The following DIS3L2 variants were observed in gnomAD, a reference collection of about 807,000 sequenced individuals.
DIS3L2 encodes the protein DIS3-like exonuclease 2.
In DIS3L2, 34 loss-of-function variants were observed where a neutral mutation model predicts 97.5. The observed-to-expected ratio is 0.35, with a 90% CI of 0.27 to 0.46. The LOEUF (loss-of-function observed/expected upper bound fraction) is 0.46. Among genes scored for constraint, DIS3L2 ranks in the 20% least tolerant of loss-of-function variants. DIS3L2 has a pLI of 1.00. For synonymous variants in DIS3L2, 435 were observed against 445.2 expected (o/e 0.98, Z 0.29); for missense variants, 1,038 against 1,146.0 (o/e 0.91, Z 1.36).
At chr2:232,245,276 G>A (rs1391761158) in intron 11 of DIS3L2, among the ~76,000 whole-genome samples, 1 of 152,150 alleles carries the variant, frequency 6.6e-6, no homozygotes, top group East Asian at 1.9e-4. Flanking sequence ...CTGGGTGCAT[G>A]GACTGTTGCG....
chr2:232,287,526 G>A (rs1380270163), intron 13 of DIS3L2, among the ~76,000 whole-genome samples: 1 of 151,582 alleles, frequency 6.6e-6, no homozygotes, highest in Non-Finnish European at 1.5e-5. Flanking sequence ...AGCCTCCTGA[G>A]TAGCTGGGAC....
intron 6 of DIS3L2, among the ~76,000 whole-genome samples, chr2:232,098,019 G>C (rs1016207952): frequency 6.7e-6 from 1 of 148,680 alleles, no homozygotes; most frequent in East Asian, 1.9e-4. Context: ...GGTTCTCTTT[G>C]GGCGTAGGGT....
chr2:231,972,708 T>A (rs1342726344), intron 1 of DIS3L2, among the ~76,000 whole-genome samples: 2 of 151,984 alleles, frequency 1.3e-5, no homozygotes, highest in African/African-American at 4.8e-5. Flanking sequence ...CAGGCCTGGC[T>A]AATTTTTCTG....
chr2:232,015,081 T>G, intron 2 of DIS3L2, 102 bp downstream of exon 2: 1 of 1,124,312 alleles, frequency 8.9e-7, no homozygotes, highest in Non-Finnish European at 1.3e-6. Flanking sequence ...AGGGCTACTA[T>G]AATTCTTTTA....
chr2:232,038,288 T>G (rs915246077), intron 5 of DIS3L2, among the ~76,000 whole-genome samples: 2 of 152,058 alleles, frequency 1.3e-5, no homozygotes, highest in Non-Finnish European at 2.9e-5. Flanking sequence ...GAGGCAGCAT[T>G]GTAATGAAGA....
chr2:231,994,304 G>A (rs1336622985), intron 1 of DIS3L2, among the ~76,000 whole-genome samples: 1 of 151,886 alleles, frequency 6.6e-6, no homozygotes, highest in African/African-American at 2.4e-5. Flanking sequence ...CTTAAAATCA[G>A]ATAGTATGAT....
rs557526811 is a variant in DIS3L2 at position 232,330,441 on chromosome 2, A to G, written c.1924-249A>G. Among the ~76,000 whole-genome samples, 248 of 152,320 alleles carry G rather than the reference A, an allele frequency of 1.6e-3. 1 individual carries two copies. The highest frequency in any genetic ancestry group is 5.9e-3 in the African/African-American group (244 of 41,574). On this transcript the variant is annotated intron_variant, in intron 15 of 20. Coordinates refer to ENST00000325385, the MANE Select transcript of DIS3L2 (RefSeq NM_152383.5). ...ACCCAGGCCCAACCCTGGGAGGGGA[A>G]GGCAGGTGCCCCAGGCCAGAGAGCT...
intron 3 of DIS3L2, among the ~76,000 whole-genome samples, chr2:232,018,936 G>A (rs1453141046): frequency 6.6e-6 from 1 of 152,116 alleles, no homozygotes; most frequent in Non-Finnish European, 1.5e-5. Flanking sequence ...TCTCTTCATA[G>A]GTAGAGTACT....
intron 12 of DIS3L2, among the ~76,000 whole-genome samples, chr2:232,257,521 T>C (rs1481002157): frequency 1.3e-5 from 2 of 152,178 alleles, no homozygotes; most frequent in Non-Finnish European, 2.9e-5. Flanking sequence ...CCTCCGTCAC[T>C]CCAAACAGCC....
At chr2:232,034,687 C>T (rs1694904498) in intron 5 of DIS3L2, among the ~76,000 whole-genome samples, 1 of 152,158 alleles carries the variant, frequency 6.6e-6, no homozygotes, top group Non-Finnish European at 1.5e-5. Context: ...TCATTGGTTT[C>T]AAAGAACTTA....
chr2:232,071,030 C>T (rs1472677381), intron 5 of DIS3L2, among the ~76,000 whole-genome samples: 1 of 152,190 alleles, frequency 6.6e-6, no homozygotes, highest in Non-Finnish European at 1.5e-5. Flanking sequence ...TCTTCTTCTC[C>T]TGCAGTCCAA....
At chr2:232,133,942 C>T (rs192769170) in intron 7 of DIS3L2, among the ~76,000 whole-genome samples, 96 of 124,934 alleles carry the variant, frequency 7.7e-4, no homozygotes, top group Admixed American at 2.8e-3. Context: ...GAGCTGAAAT[C>T]GTGCCACCGT....
chr2:232,227,093 G>T (rs1559164339), intron 10 of DIS3L2, among the ~76,000 whole-genome samples: 1 of 152,146 alleles, frequency 6.6e-6, no homozygotes, highest in Non-Finnish European at 1.5e-5. Flanking sequence ...ACTTGACAAG[G>T]TTTTCATTTC....
chr2:232,078,897 A>G (rs1696295703), intron 5 of DIS3L2, among the ~76,000 whole-genome samples: 1 of 152,210 alleles, frequency 6.6e-6, no homozygotes, highest in Non-Finnish European at 1.5e-5. Flanking sequence ...GGAACTGGGA[A>G]GATTATGTGG....
At chr2:232,008,238 G>A (rs1273695615) in intron 1 of DIS3L2, among the ~76,000 whole-genome samples, 2 of 148,766 alleles carry the variant, frequency 1.3e-5, no homozygotes, top group Non-Finnish European at 3.0e-5. Flanking sequence ...ATATTGCTGT[G>A]GCTGTTCTCA....
At chr2:232,056,824 G>T (rs537053904) in intron 5 of DIS3L2, among the ~76,000 whole-genome samples, 78 of 152,350 alleles carry the variant, frequency 5.1e-4, no homozygotes, top group African/African-American at 1.8e-3. Flanking sequence ...TATACTGCTA[G>T]TGGGAATGTC....
chr2:232,213,297 A>G (rs1206864477), intron 10 of DIS3L2, among the ~76,000 whole-genome samples: 4 of 152,204 alleles, frequency 2.6e-5, no homozygotes, highest in Non-Finnish European at 5.9e-5. Flanking sequence ...AGCCTACTGC[A>G]CCAGGTGATC....
chr2:232,306,982 C>A (rs1195516318), intron 14 of DIS3L2, among the ~76,000 whole-genome samples: 2 of 152,272 alleles, frequency 1.3e-5, no homozygotes, highest in Non-Finnish European at 2.9e-5. Flanking sequence ...ATCTAGGTAA[C>A]CTCTGCTTCT....
chr2:232,138,674 A>G (rs892763072), intron 8 of DIS3L2, among the ~76,000 whole-genome samples: 2 of 152,120 alleles, frequency 1.3e-5, no homozygotes, highest in African/African-American at 2.4e-5. Context: ...ATGACTGCCT[A>G]GGTTTCCTCC....
Sources: allele counts gnomAD v4.1 joint callset (sites outside exome capture counted in the v4.1 genomes callset), GRCh38; gene constraint gnomAD v4.1.1; transcripts MANE v1.5; gene names NCBI Gene and HGNC (gene_info 2026-07-23, HGNC 2026-07-21).